SLC9A8: variants seen among roughly 807,000 people sequenced by gnomAD.
The protein encoded by SLC9A8 is solute carrier family 9 member A8.
SLC9A8 carries 48 observed loss-of-function variants against 66.6 expected under a neutral mutation model. The ratio of observed to expected loss-of-function variants is 0.72; its 90% CI spans 0.57 to 0.92. The LOEUF is 0.92. SLC9A8 is among the 40% of genes least tolerant of loss of function. SLC9A8 has a pLI of 0.00. For missense variants in SLC9A8, 599 were observed against 747.3 expected (o/e 0.80, Z 2.31); for synonymous variants, 274 against 282.6 (o/e 0.97, Z 0.31).
chr20:49,886,641 G>A lies in SLC9A8; in HGVS notation c.1492-111G>A, dbSNP rs1336324586. The A allele has an allele frequency of 7.8e-7, 1 of 1,284,730 alleles. No homozygotes were observed. Among genetic ancestry groups the A allele is most frequent in the African/African-American group, 1.5e-5 (1 of 67,454 alleles). The allele number at this position is 1,284,730 out of a possible 1,614,324, so 79.6% of individuals were successfully genotyped here. A position where few individuals can be genotyped will look rare whatever the true frequency, so the allele number is the denominator to read the frequency against. On this transcript the variant is annotated intron_variant, in intron 14 of 15. Transcript: ENST00000361573. This position sits in a 1 kb window ranked among gnomAD's most constrained non-coding sequence, Gnocchi z 4.8. ...CCCGTCACCCTGCATTGATGGTCAA[G>A]TGGAGTTAGGGTTGGGGACACTGGC...
At chr20:49,828,567 G>A (rs945829741) in intron 3 of SLC9A8, among the ~76,000 whole-genome samples, 11 of 149,732 alleles carry the variant, frequency 7.3e-5, no homozygotes, top group Non-Finnish European at 1.6e-4. Flanking sequence ...GCCTGGCACA[G>A]TGGCTCATGC....
chr20:49,876,816 C>G (rs1366294973), intron 11 of SLC9A8, among the ~76,000 whole-genome samples: 1 of 152,000 alleles, frequency 6.6e-6, no homozygotes, highest in East Asian at 1.9e-4. Context: ...ATCTGAATGT[C>G]TTCTAAATGT....
At chr20:49,821,280 C>T (rs1429089998) in intron 2 of SLC9A8, among the ~76,000 whole-genome samples, 2 of 152,162 alleles carry the variant, frequency 1.3e-5, no homozygotes, top group Non-Finnish European at 2.9e-5. Flanking sequence ...GTTCAACTCT[C>T]TTGGTCTATT....
chr20:49,887,747 C>T (rs2089941915), intron 15 of SLC9A8, 82 bp from the exon 16 acceptor site: 2 of 1,122,276 alleles, frequency 1.8e-6, no homozygotes, highest in South Asian at 1.5e-5. Flanking sequence ...AGACACCCCA[C>T]ACAAAACACC....
intron 7 of SLC9A8, among the ~76,000 whole-genome samples, chr20:49,854,293 T>TA (rs1212562483): frequency 6.6e-6 from 1 of 152,090 alleles, no homozygotes; most frequent in African/African-American, 2.4e-5. Context: ...GCCAGCCTCT[T>TA]ATGGCTCCTG....
At position 49,839,483 on chromosome 20, in the gene SLC9A8, T is replaced by C; in HGVS notation, c.290-58T>C. 2.5e-6 allele frequency: 3 copies of C among 1,216,540 alleles called. No homozygotes were observed. In the South Asian group the frequency reaches 3.9e-5, roughly 16 times the overall value. The allele number at this position is 1,216,540 out of a possible 1,614,324, so 75.4% of individuals were successfully genotyped here. A position where few individuals can be genotyped will look rare whatever the true frequency, so the allele number is the denominator to read the frequency against. On this transcript the variant is annotated intron_variant, in intron 3 of 15. Coordinates refer to ENST00000361573, the MANE Select transcript of SLC9A8 (RefSeq NM_015266.3). ...TCCTGAGGCTGTGTCATGTCTTAAA[T>C]TTGAGTAATCTTTCTCATATCTTAA...
chr20:49,831,010 C>A, intron 3 of SLC9A8: 1 of 744,500 alleles, frequency 1.3e-6, no homozygotes. Context: ...CTGCAGCCAA[C>A]CAGGTGTACA....
In SLC9A8 at chr20:49,886,761, G is replaced by A. The variant is rs1477475878; in HGVS notation, c.1501G>A (p.Val501Met). 1 of 1,613,918 alleles carries A rather than the reference G, an allele frequency of 6.2e-7. No individual in the cohort carries two copies. The highest frequency in any genetic ancestry group is 2.2e-5 in the East Asian group (1 of 44,882). ...LSKTEKMGNT[V>M]ESEHLSELTE... ...TTTCCTCCCTGCTCAGGGCAACACT[G>A]TGGAGTCGGAGCACCTGTCGGAGCT... Residue 501 changes from valine to methionine, a missense_variant, in exon 15 of 16, where the codon GTG (valine) becomes ATG (methionine). Physicochemically the swap from Val to Met is conservative, Grantham distance 21. Around this residue, in one of 2 missense-constraint regions of SLC9A8, gnomAD observed 467 missense variants for 626.5 expected, o/e 0.75. Transcript: ENST00000361573. This position sits in a 1 kb window ranked among gnomAD's most constrained non-coding sequence, Gnocchi z 4.8.
chr20:49,830,588 C>T (rs2087134316), intron 3 of SLC9A8: 4 of 608,996 alleles, frequency 6.6e-6, no homozygotes, highest in Non-Finnish European at 1.2e-5. Flanking sequence ...AAGCTCCCAT[C>T]TCAGGGAATC....
At chr20:49,887,027 C>G in intron 15 of SLC9A8, 129 bp downstream of exon 15, 1 of 1,014,982 alleles carries the variant, frequency 9.9e-7, no homozygotes, top group Non-Finnish European at 1.4e-6. Flanking sequence ...GCCAGGCCGC[C>G]GCCTCCCGAT....
At chr20:49,836,915 G>A (rs2087559108) in intron 3 of SLC9A8, among the ~76,000 whole-genome samples, 1 of 152,140 alleles carries the variant, frequency 6.6e-6, no homozygotes. Flanking sequence ...AAGCTAAAGG[G>A]AAAGGTCAAT....
chr20:49,847,442 G>GT (rs1454510800), intron 5 of SLC9A8, among the ~76,000 whole-genome samples: 11 of 144,426 alleles, frequency 7.6e-5, no homozygotes, highest in Non-Finnish European at 1.7e-4. Flanking sequence ...GAAAGTAATA[G>GT]TTTTTTAGAG....
intron 7 of SLC9A8, among the ~76,000 whole-genome samples, chr20:49,855,027 G>T (rs2088412220): frequency 6.6e-6 from 1 of 152,184 alleles, no homozygotes; most frequent in African/African-American, 2.4e-5. Flanking sequence ...AGTGCAGGCT[G>T]GGGTCGGTCA....
At chr20:49,848,620 T>C (rs1258142036) in intron 5 of SLC9A8, among the ~76,000 whole-genome samples, 4 of 152,224 alleles carry the variant, frequency 2.6e-5, no homozygotes, top group African/African-American at 9.7e-5. Context: ...ATTTCCTTAA[T>C]TTTATGGAAA....
At chr20:49,879,639 A>C (rs1600805163) in intron 12 of SLC9A8, among the ~76,000 whole-genome samples, 2 of 151,988 alleles carry the variant, frequency 1.3e-5, no homozygotes. Context: ...AGCCTGGCCA[A>C]CTTGGCGAAA....
intron 7 of SLC9A8, among the ~76,000 whole-genome samples, chr20:49,854,518 C>A (rs1039919979): frequency 2.6e-5 from 4 of 151,620 alleles, no homozygotes; most frequent in African/African-American, 4.9e-5. Flanking sequence ...ACCCACACCC[C>A]CACCCCACCT....
intron 4 of SLC9A8, among the ~76,000 whole-genome samples, chr20:49,843,403 T>G (rs956684335): frequency 1.3e-5 from 2 of 152,206 alleles, no homozygotes; most frequent in Admixed American, 6.5e-5. Flanking sequence ...TGCTTCTATT[T>G]TGAGCGTTTT....
chr20:49,837,216 C>A (rs976948626), intron 3 of SLC9A8, among the ~76,000 whole-genome samples: 2 of 152,182 alleles, frequency 1.3e-5, no homozygotes, highest in Non-Finnish European at 2.9e-5. Flanking sequence ...CAGACCAAAC[C>A]AATGTACATC....
At chr20:49,857,295 G>T (rs2088536368) in intron 8 of SLC9A8, among the ~76,000 whole-genome samples, 1 of 152,224 alleles carries the variant, frequency 6.6e-6, no homozygotes, top group Non-Finnish European at 1.5e-5. Context: ...TACTGCCTTT[G>T]CTAAAGCATA....
Sources: allele counts gnomAD v4.1 joint callset (sites outside exome capture counted in the v4.1 genomes callset), GRCh38; gene constraint gnomAD v4.1.1; regional missense constraint gnomAD v4.1.1; non-coding constraint Gnocchi (gnomAD v3.1); transcripts MANE v1.5; gene names NCBI Gene and HGNC (gene_info 2026-07-23, HGNC 2026-07-21).